The following ADARB2 variants were observed in gnomAD, a reference collection of about 807,000 sequenced individuals.
ADARB2 encodes the protein adenosine deaminase RNA specific B2 (inactive), also known as inactive double-stranded RNA-specific editase B2.
Under a neutral mutation model 62.2 loss-of-function variants are expected in ADARB2, and 25 were observed. The observed-to-expected ratio is 0.40, with a 90% CI of 0.29 to 0.56. The LOEUF (loss-of-function observed/expected upper bound fraction) is 0.56. Among genes scored for constraint, ADARB2 ranks in the 20% least tolerant of loss-of-function variants. ADARB2 has a pLI of 0.43. For synonymous variants in ADARB2, 572 were observed against 500.8 expected, an observed-to-expected ratio of 1.14 and a Z score of -1.90; for missense variants, 1,071 against 1,077.4, an observed-to-expected ratio of 0.99 and a Z score of 0.08.
chr10:1,294,564 A>G (rs1831507604), intron 3 of ADARB2, among the ~76,000 whole-genome samples: 2 of 152,202 alleles, frequency 1.3e-5, no homozygotes, highest in Non-Finnish European at 2.9e-5. Context: ...AGAGGGTTCC[A>G]GTGATGTCGA....
intron 3 of ADARB2, among the ~76,000 whole-genome samples, chr10:1,294,530 G>A (rs974665620): frequency 9.2e-5 from 14 of 152,228 alleles, no homozygotes; most frequent in Admixed American, 5.2e-4. Context: ...GCAGCCCCTC[G>A]CGTTGTTTGA....
At chr10:1,632,792 G>A (rs765667665) in intron 1 of ADARB2, among the ~76,000 whole-genome samples, 6 of 152,230 alleles carry the variant, frequency 3.9e-5, no homozygotes, top group Admixed American at 6.5e-5. Context: ...CCAAGTTAGC[G>A]TGACATGCTG....
intron 4 of ADARB2, among the ~76,000 whole-genome samples, chr10:1,267,575 A>T (rs1231991613): frequency 1.3e-5 from 2 of 152,234 alleles, no homozygotes; most frequent in East Asian, 3.9e-4. Context: ...CTCGTGACTT[A>T]GCACGTATGG....
chr10:1,278,087 A>C (rs2131803340), intron 3 of ADARB2, among the ~76,000 whole-genome samples: 1 of 152,168 alleles, frequency 6.6e-6, no homozygotes, highest in Non-Finnish European at 1.5e-5. Flanking sequence ...CTAGTGCCTC[A>C]GCCTCCCAAG....
chr10:1,578,953 G>A (rs948975244), intron 1 of ADARB2, among the ~76,000 whole-genome samples: 1 of 152,182 alleles, frequency 6.6e-6, no homozygotes. Context: ...GAGGAAGGAT[G>A]CCGCAGCCAG....
Position 1,650,749 on chromosome 10 carries a change from G to T in ADARB2, c.100+86302C>A, listed in dbSNP as rs1175783490. Among the ~76,000 whole-genome samples, 4 of 152,198 alleles carry T rather than the reference G, an allele frequency of 2.6e-5. No individual in the cohort carries two copies. The South Asian group carries it at 6.2e-4, about 24-fold the overall frequency. On this transcript the variant is annotated intron_variant, in intron 1 of 9. Coordinates refer to ENST00000381312, the MANE Select transcript of ADARB2 (RefSeq NM_018702.4). Reference sequence around the variant, plus strand: ...CAGTCCCGGATAGGGGAGTAAGAAGGTCTGACAGTTAATGACACTTGAGGA... The same window carrying T: ...CAGTCCCGGATAGGGGAGTAAGAAGTTCTGACAGTTAATGACACTTGAGGA...
At chr10:1,713,840 A>C (rs553275184) in intron 1 of ADARB2, among the ~76,000 whole-genome samples, 1 of 152,156 alleles carries the variant, frequency 6.6e-6, no homozygotes, top group Non-Finnish European at 1.5e-5. Flanking sequence ...AGAGAGCGCC[A>C]AGTTGGAGGA....
chr10:1,543,702 G>A (rs1832472799), intron 1 of ADARB2, among the ~76,000 whole-genome samples: 1 of 152,154 alleles, frequency 6.6e-6, no homozygotes, highest in African/African-American at 2.4e-5. Context: ...AAATAGACCC[G>A]AACCATGATG....
chr10:1,397,431 CGTCTCTCCCCTCCCG>C (rs1186232473), intron 1 of ADARB2, among the ~76,000 whole-genome samples: 1 of 8,204 alleles, frequency 1.2e-4, no homozygotes. Context: ...GGTCACCGTC[CGTCTCTCCCCTCCCG>C]AGCGCAGGCT....
At chr10:1,541,092 C>T (rs1423435467) in intron 1 of ADARB2, among the ~76,000 whole-genome samples, 1 of 87,100 alleles carries the variant, frequency 1.1e-5, no homozygotes, top group African/African-American at 4.9e-5. Context: ...AGTTCAGACC[C>T]TGGATCACAG....
At chr10:1,550,125 C>A (rs992473672) in intron 1 of ADARB2, among the ~76,000 whole-genome samples, 1 of 152,124 alleles carries the variant, frequency 6.6e-6, no homozygotes, top group Non-Finnish European at 1.5e-5. Flanking sequence ...AAATGGGGTC[C>A]CTGCTCCCCA....
chr10:1,374,019 A>C (rs1832400286), intron 2 of ADARB2, among the ~76,000 whole-genome samples: 2 of 151,980 alleles, frequency 1.3e-5, no homozygotes, highest in African/African-American at 4.8e-5. Context: ...ACCCGCTTCC[A>C]GTGAGACTCC....
chr10:1,276,707 A>T (rs1471580007), intron 3 of ADARB2, among the ~76,000 whole-genome samples: 1 of 152,208 alleles, frequency 6.6e-6, no homozygotes, highest in East Asian at 1.9e-4. Flanking sequence ...CGAGACATAA[A>T]GTTAACAAGG....
chr10:1,209,475 ATG>A (rs1837116842), intron 7 of ADARB2, among the ~76,000 whole-genome samples: 1 of 136,192 alleles, frequency 7.3e-6, no homozygotes, highest in African/African-American at 3.2e-5. Flanking sequence ...ACCCACACCC[ATG>A]CCCATGCCTA....
At chr10:1,268,370 A>G (rs999640876) in intron 4 of ADARB2, among the ~76,000 whole-genome samples, 9 of 152,196 alleles carry the variant, frequency 5.9e-5, no homozygotes, top group African/African-American at 1.9e-4. Context: ...ACTTCTGTTC[A>G]TAAGTATATA....
intron 1 of ADARB2, among the ~76,000 whole-genome samples, chr10:1,384,103 A>T (rs1286249336): frequency 4.6e-5 from 7 of 152,260 alleles, no homozygotes; most frequent in Non-Finnish European, 2.9e-5. Flanking sequence ...TAGAAAAATC[A>T]GATGGACTCT....
At chr10:1,447,381 G>A (rs1443475816) in intron 1 of ADARB2, among the ~76,000 whole-genome samples, 2 of 152,112 alleles carry the variant, frequency 1.3e-5, no homozygotes, top group Non-Finnish European at 2.9e-5. Flanking sequence ...ATTTTCCCCT[G>A]TGGCTCATGG....
intron 3 of ADARB2, among the ~76,000 whole-genome samples, chr10:1,319,474 A>G (rs1476818697): frequency 6.6e-6 from 1 of 152,238 alleles, no homozygotes. Context: ...AAAACCCTCC[A>G]TCATAATCAA....
chr10:1,522,076 A>T (rs1358852409), intron 1 of ADARB2, among the ~76,000 whole-genome samples: 1 of 152,214 alleles, frequency 6.6e-6, no homozygotes, highest in Non-Finnish European at 1.5e-5. Flanking sequence ...ACGAAAAATG[A>T]AAGGAATTTC....
Sources: allele counts gnomAD v4.1 joint callset (sites outside exome capture counted in the v4.1 genomes callset), GRCh38; gene constraint gnomAD v4.1.1; transcripts MANE v1.5; gene names NCBI Gene and HGNC (gene_info 2026-07-23, HGNC 2026-07-21).